CLPTM1: variants seen among roughly 807,000 people sequenced by gnomAD.
CLPTM1 encodes the protein putative lipid scramblase CLPTM1.
CLPTM1 carries 21 observed loss-of-function variants against 77.3 expected under a neutral mutation model. That is an observed-to-expected ratio of 0.27 (90% CI 0.19 to 0.39). CLPTM1 has a LOEUF of 0.39. Ranked by LOEUF, CLPTM1 falls within the 10% of genes least tolerant of loss-of-function variation. CLPTM1 has a pLI of 1.00. For synonymous variants in CLPTM1, 373 were observed against 381.0 expected (o/e 0.98, Z 0.24); for missense variants, 642 against 921.2 (o/e 0.70, Z 3.92).
chr19:44,987,473 A>G, intron 8 of CLPTM1, 50 bp downstream of exon 8: 1 of 1,601,384 alleles, frequency 6.2e-7, no homozygotes, highest in Non-Finnish European at 8.5e-7. Context: ...CCTGGGCGCA[A>G]GAGGCCAAGA....
At chr19:44,966,363 A>T (rs570573158) in intron 2 of CLPTM1, among the ~76,000 whole-genome samples, 1 of 152,108 alleles carries the variant, frequency 6.6e-6, no homozygotes, top group African/African-American at 2.4e-5. Flanking sequence ...GTGTGCCAAG[A>T]TGCCGCCACT....
At chr19:44,979,429 C>T (rs1970858930) in intron 5 of CLPTM1, among the ~76,000 whole-genome samples, 2 of 152,242 alleles carry the variant, frequency 1.3e-5, no homozygotes, top group East Asian at 3.9e-4. Flanking sequence ...GTGTACTCCA[C>T]CTAGCTTTCA....
At position 44,974,541 on chromosome 19, in the gene CLPTM1, A is replaced by G. The variant is rs772091016; in HGVS notation, c.412A>G (p.Ser138Gly). 6.2e-7 allele frequency: 1 copy of G among 1,614,206 alleles called. No homozygotes were observed. Among genetic ancestry groups the G allele is most frequent in the Non-Finnish European group, 8.5e-7 (1 of 1,180,032 alleles). The change falls in exon 4 of 14, where the codon AGC becomes GGC. Residue 138 changes from serine to glycine, a missense_variant. Transcript: ENST00000337392. ...QHDLVYGDWT[S>G]GENSDGCYEH... The stretch of plus-strand genomic sequence containing the variant: ...CGATCTTGTGTATGGCGACTGGACT[A>G]GCGGCGAGAACTCAGACGGCTGCTA...
chr19:44,977,810 G>A (rs1223773663), intron 5 of CLPTM1, among the ~76,000 whole-genome samples: 5 of 152,108 alleles, frequency 3.3e-5, no homozygotes, highest in Non-Finnish European at 1.5e-5. Context: ...CCTGATAGAA[G>A]TAGACACTCA....
chr19:44,967,484 C>G (rs1397709038), intron 2 of CLPTM1, among the ~76,000 whole-genome samples: 3 of 152,118 alleles, frequency 2.0e-5, no homozygotes, highest in Non-Finnish European at 1.5e-5. Flanking sequence ...CATGGAGAAA[C>G]CCATCTCTGC....
chr19:44,988,273 C>A (rs1971015062), intron 9 of CLPTM1, 100 bp downstream of exon 9: 3 of 880,542 alleles, frequency 3.4e-6, no homozygotes. Flanking sequence ...CCTCCCCCTG[C>A]CTGGGGTCTC....
intron 1 of CLPTM1, among the ~76,000 whole-genome samples, chr19:44,960,407 C>T (rs979012930): frequency 1.3e-5 from 2 of 152,154 alleles, no homozygotes; most frequent in Non-Finnish European, 2.9e-5. Flanking sequence ...TAAAATGTTC[C>T]AGTATTTTCA....
upstream of CLPTM1, chr19:44,954,896 G>T (rs753864412): frequency 7.5e-7 from 1 of 1,331,074 alleles, no homozygotes. Flanking sequence ...AGAAGACAAG[G>T]GTGCTGGGCA....
rs1255382182 is a variant in CLPTM1 at position 44,990,749 on chromosome 19, G to T, written c.1324-101G>T. On this transcript the variant is annotated intron_variant, in intron 10 of 13. Coordinates refer to ENST00000337392, the MANE Select transcript of CLPTM1 (RefSeq NM_001294.4). This position sits in a 1 kb window ranked among gnomAD's most constrained non-coding sequence, Gnocchi z 4.8. ...AGGGGATTTTTTGGGTCACACATGGGGCAGGGGAACTGGGAACGGTGGGGA... is the reference window on the plus strand; with the variant it reads ...AGGGGATTTTTTGGGTCACACATGGTGCAGGGGAACTGGGAACGGTGGGGA... 8.3e-6 allele frequency: 11 copies of T among 1,324,114 alleles called. No individual in the cohort carries two copies. In the Admixed American group the frequency reaches 2.1e-4, roughly 25 times the overall value. The allele number at this position is 1,324,114 out of a possible 1,614,324, so 82.0% of individuals were successfully genotyped here.
chr19:44,992,153 G>A lies in CLPTM1; in HGVS notation c.1556-80G>A. Reference sequence around the variant, plus strand: ...TGCCCAGGTGTAGGAAGTGGTGAGGGGGCTGGTATGGCCAGTGCAGAGTGC... The same window carrying A: ...TGCCCAGGTGTAGGAAGTGGTGAGGAGGCTGGTATGGCCAGTGCAGAGTGC... On this transcript the variant is annotated intron_variant, in intron 12 of 13. Transcript: ENST00000337392. The surrounding 1 kb of genome is among the most constrained non-coding windows in gnomAD (Gnocchi z 7.7). The A allele has an allele frequency of 6.8e-7, 1 of 1,467,290 alleles. No individual in the cohort carries two copies. Among genetic ancestry groups the A allele is most frequent in the South Asian group, 1.2e-5 (1 of 83,162 alleles). The allele number at this position is 1,467,290 out of a possible 1,614,324, so 90.9% of individuals were successfully genotyped here.
intron 2 of CLPTM1, among the ~76,000 whole-genome samples, chr19:44,967,009 T>C (rs1450330655): frequency 6.6e-6 from 1 of 152,098 alleles, no homozygotes; most frequent in Non-Finnish European, 1.5e-5. Context: ...GCCCGGCTAA[T>C]TTTTTGTATT....
At chr19:44,963,734 C>T (rs975165506) in intron 2 of CLPTM1, among the ~76,000 whole-genome samples, 3 of 152,188 alleles carry the variant, frequency 2.0e-5, no homozygotes, top group African/African-American at 7.2e-5. Flanking sequence ...ATTCTCCTGC[C>T]TCAGCCTCCT....
chr19:44,966,474 T>C (rs1417884003), intron 2 of CLPTM1, among the ~76,000 whole-genome samples: 5 of 152,140 alleles, frequency 3.3e-5, no homozygotes, highest in African/African-American at 1.2e-4. Context: ...TAATTGGCCC[T>C]AAATGGGATT....
Position 44,990,643 on chromosome 19 carries a change from G to A in CLPTM1, c.1323+58G>A. The A allele has an allele frequency of 3.2e-6, 5 of 1,574,302 alleles. No homozygotes were observed. Among genetic ancestry groups the A allele is most frequent in the Non-Finnish European group, 3.5e-6 (4 of 1,150,694 alleles). ...TGCAGGGGTTGGGAGGGGGTAGTGT[G>A]GCCCAGCTGGACCCTGGAGCTGGCC... On this transcript the variant is annotated intron_variant, in intron 10 of 13. Coordinates refer to ENST00000337392, the MANE Select transcript of CLPTM1 (RefSeq NM_001294.4). The surrounding 1 kb of genome is among the most constrained non-coding windows in gnomAD (Gnocchi z 4.8).
chr19:44,973,146 A>G lies in CLPTM1; in HGVS notation c.245A>G (p.Gln82Arg). 1.9e-6 allele frequency: 3 copies of G among 1,614,062 alleles called. 1 individual carries two copies. The highest frequency in any genetic ancestry group is 3.3e-4 in the Middle Eastern group (2 of 6,062). The change falls in exon 3 of 14, where the codon CAG (glutamine) becomes CGG (arginine). Residue 82 changes from glutamine (Q) to arginine (R), a missense_variant. Transcript: ENST00000337392. Reference sequence around the variant, plus strand: ...CGCCGAGGGCCGGCCCCTCAGGACCAGGCGGGCCCCGGAGGAGCTCCACGC... The same window carrying G: ...CGCCGAGGGCCGGCCCCTCAGGACCGGGCGGGCCCCGGAGGAGCTCCACGC... Reference protein sequence around the residue: ...WFRRGPAPQDQAGPGGAPRVA... With the variant: ...WFRRGPAPQDRAGPGGAPRVA...
At chr19:44,954,785 G>A (rs1268527596), upstream of CLPTM1, 3 of 1,335,410 alleles carry the variant, frequency 2.2e-6, no homozygotes, top group Non-Finnish European at 2.9e-6. Context: ...CTCATCGGAG[G>A]TTTGTTGGCC....
At chr19:44,988,403 G>A (rs900509504) in intron 9 of CLPTM1, among the ~76,000 whole-genome samples, 5 of 152,234 alleles carry the variant, frequency 3.3e-5, no homozygotes, top group Admixed American at 6.5e-5. Context: ...CGCTGGTGGG[G>A]CAGAGGCCAG....
chr19:44,989,753 G>A (rs752160800), intron 9 of CLPTM1, among the ~76,000 whole-genome samples: 3 of 152,298 alleles, frequency 2.0e-5, no homozygotes, highest in East Asian at 1.9e-4. Flanking sequence ...TCAGCCGGGC[G>A]GGGTCAAGAG....
chr19:44,991,688 G>T lies in CLPTM1; in HGVS notation c.1555+315G>T, dbSNP rs1168960729. On this transcript the variant is annotated intron_variant, in intron 12 of 13. Coordinates refer to ENST00000337392, the MANE Select transcript of CLPTM1 (RefSeq NM_001294.4). The surrounding 1 kb of genome is among the most constrained non-coding windows in gnomAD (Gnocchi z 5.4). ...GGAGGCTGAGGCAGGAGGATCACTT[G>T]AGCCCAGGAATTCGTGACCAGCCTG... Among the ~76,000 whole-genome samples the T allele has an allele frequency of 1.3e-5, 2 of 152,136 alleles. No homozygotes were observed. The highest frequency in any genetic ancestry group is 4.8e-5 in the African/African-American group (2 of 41,428).
Sources: gnomAD v4.1 joint callset for allele counts (sites outside exome capture counted in the v4.1 genomes callset) on GRCh38, gnomAD v4.1.1 for gene constraint, Gnocchi (gnomAD v3.1) non-coding constraint, MANE v1.5 for transcripts, NCBI Gene and HGNC (gene_info 2026-07-23, HGNC 2026-07-21) for gene names.